Variants in USP48 observed in about 807,000 individuals in gnomAD.
USP48 encodes ubiquitin carboxyl-terminal hydrolase 48.
A neutral mutation model predicts 150.7 loss-of-function variants in USP48; 43 were observed. That is an observed-to-expected ratio of 0.29 (90% CI 0.22 to 0.37). The LOEUF is 0.37. Among genes scored for constraint, USP48 ranks in the 10% least tolerant of loss-of-function variants. USP48 has a pLI of 1.00. For synonymous variants in USP48, 396 were observed against 425.9 expected (o/e 0.93, Z 0.86); for missense variants, 813 against 1,249.6 (o/e 0.65, Z 5.27).
intron 8 of USP48, among the ~76,000 whole-genome samples, chr1:21,743,299 C>G (rs333177): frequency 0.076 from 11,624 of 152,202 alleles, 499 homozygotes; most frequent in Middle Eastern, 0.11. Flanking sequence ...GCGGGACCTA[C>G]TTCTCAGAAA....
intron 8 of USP48, among the ~76,000 whole-genome samples, chr1:21,744,881 C>A (rs2097790915): frequency 6.6e-6 from 1 of 150,964 alleles, no homozygotes; most frequent in South Asian, 2.1e-4. Flanking sequence ...AAATGAGGAT[C>A]CCTCATTCTA....
chr1:21,729,675 C>T (rs201650584), intron 10 of USP48, 29 bp downstream of exon 10: 5 of 1,604,630 alleles, frequency 3.1e-6, no homozygotes, highest in Non-Finnish European at 3.4e-6. Context: ...AAAACATTTG[C>T]CTGCTATAAT....
chr1:21,770,505 CAG>C (rs1384436106), intron 1 of USP48, among the ~76,000 whole-genome samples: 5 of 127,184 alleles, frequency 3.9e-5, no homozygotes, highest in Non-Finnish European at 7.9e-5. Context: ...TTTTTTGAGA[CAG>C]AGCTCACTCT....
intron 12 of USP48, among the ~76,000 whole-genome samples, chr1:21,723,331 G>A (rs1353323534): frequency 6.6e-6 from 1 of 151,908 alleles, no homozygotes; most frequent in African/African-American, 2.4e-5. Flanking sequence ...ACCAGCCTGG[G>A]CAACACAGTG....
intron 25 of USP48, chr1:21,686,354 T>C (rs1436391167): frequency 2.6e-5 from 4 of 152,350 alleles, no homozygotes; most frequent in South Asian, 4.1e-4. Flanking sequence ...TTGAGGTATG[T>C]TCCTTCTGTA....
At chr1:21,764,329 C>T (rs1459916621) in intron 1 of USP48, among the ~76,000 whole-genome samples, 1 of 151,906 alleles carries the variant, frequency 6.6e-6, no homozygotes, top group Non-Finnish European at 1.5e-5. Context: ...GTCCCAGCTG[C>T]TCAGGAAGCT....
At chr1:21,719,779 G>A (rs1429486326) in intron 14 of USP48, among the ~76,000 whole-genome samples, 1 of 152,058 alleles carries the variant, frequency 6.6e-6, no homozygotes, top group East Asian at 1.9e-4. Flanking sequence ...AGGCAGGAGA[G>A]CCGCTTGAAC....
At chr1:21,693,511 G>A (rs1222729423) in intron 23 of USP48, among the ~76,000 whole-genome samples, 1 of 152,168 alleles carries the variant, frequency 6.6e-6, no homozygotes, top group East Asian at 1.9e-4. Flanking sequence ...CACCTCTGGG[G>A]GCTGTGTGAA....
At chr1:21,745,440 A>G (rs2152571122) in intron 8 of USP48, among the ~76,000 whole-genome samples, 1 of 152,208 alleles carries the variant, frequency 6.6e-6, no homozygotes, top group Non-Finnish European at 1.5e-5. Flanking sequence ...ACTAAAAATT[A>G]GCTGGGCCTG....
intron 1 of USP48, among the ~76,000 whole-genome samples, chr1:21,762,606 G>A (rs759045161): frequency 1.2e-4 from 18 of 152,146 alleles, no homozygotes; most frequent in Non-Finnish European, 1.9e-4. Flanking sequence ...GGTGGCTCAC[G>A]CCTGTAATCC....
intron 23 of USP48, among the ~76,000 whole-genome samples, chr1:21,690,937 A>C (rs1279058273): frequency 1.3e-5 from 2 of 152,078 alleles, no homozygotes; most frequent in Admixed American, 6.5e-5. Context: ...ATATTCTTAG[A>C]CTGAGTTTTG....
intron 11 of USP48, 97 bp from the exon 12 acceptor site, chr1:21,724,192 C>T: frequency 1.7e-6 from 2 of 1,177,790 alleles, no homozygotes; most frequent in Non-Finnish European, 1.2e-6. Flanking sequence ...AAACTCTGTC[C>T]AGAGTTAGCA....
intron 1 of USP48, among the ~76,000 whole-genome samples, chr1:21,763,454 G>A (rs2152622950): frequency 6.6e-6 from 1 of 152,300 alleles, no homozygotes; most frequent in Admixed American, 6.5e-5. Flanking sequence ...TTCATACATA[G>A]CCCAATATGG....
chr1:21,685,680 T>C (rs1467641919), intron 25 of USP48, among the ~76,000 whole-genome samples: 2 of 152,240 alleles, frequency 1.3e-5, no homozygotes, highest in Non-Finnish European at 2.9e-5. Flanking sequence ...TTTTTGTATG[T>C]TGATTTTTGT....
chr1:21,770,138 C>T (rs1445571903), intron 1 of USP48, among the ~76,000 whole-genome samples: 4 of 146,768 alleles, frequency 2.7e-5, no homozygotes, highest in Admixed American at 6.9e-5. Flanking sequence ...GCCTGGGCAA[C>T]ATATTGAGAC....
rs76220173 is a variant in USP48, at chr1:21,757,019, G to A, written c.256-317C>T. The A allele has an allele frequency of 1.2e-3, 1,228 of 983,154 alleles. 12 individuals are homozygous for A. In the African/African-American group the frequency reaches 0.015, roughly 12 times the overall value. The allele number at this position is 983,154 out of a possible 1,614,324, so 60.9% of individuals were successfully genotyped here. On this transcript the variant is annotated intron_variant, in intron 2 of 26. Transcript: ENST00000308271. ...ATCGGTTTTGAACAAGCGTATATAG[G>A]TTTTATGTTTTCTGTATTTCTAAAC...
In USP48 at chr1:21,679,157, C is replaced by T. The variant is rs978378715; in HGVS notation, c.*260G>A. Reference sequence around the variant, plus strand: ...ACTATTACTGCTACTAAACTTGTTCCGTCTTTACTTGCCCCCTCCCACCCA... The same window carrying T: ...ACTATTACTGCTACTAAACTTGTTCTGTCTTTACTTGCCCCCTCCCACCCA... On this transcript the variant is annotated 3_prime_UTR_variant, in exon 27 of 27. Coordinates refer to ENST00000308271, the MANE Select transcript of USP48 (RefSeq NM_032236.8). The T allele has an allele frequency of 9.0e-5, 49 of 547,410 alleles. No individual in the cohort carries two copies. Among genetic ancestry groups the T allele is most frequent in the African/African-American group, 6.3e-4 (33 of 52,498 alleles). 33.9% of individuals were successfully genotyped at this position (547,410 alleles called of 1,614,324 possible). A position where few individuals can be genotyped will look rare whatever the true frequency, so the allele number is the denominator to read the frequency against.
At chr1:21,716,240 G>C (rs939424054) in intron 14 of USP48, among the ~76,000 whole-genome samples, 3 of 151,924 alleles carry the variant, frequency 2.0e-5, no homozygotes, top group Non-Finnish European at 2.9e-5. Context: ...TGACATACCT[G>C]AATTGCCAAC....
At chr1:21,692,141 C>G (rs886432575) in intron 23 of USP48, among the ~76,000 whole-genome samples, 2 of 152,094 alleles carry the variant, frequency 1.3e-5, no homozygotes, top group Non-Finnish European at 2.9e-5. Context: ...ACTGCTGGGA[C>G]AGAATCTTAC....
Sources: gnomAD v4.1 joint callset for allele counts (sites outside exome capture counted in the v4.1 genomes callset) on GRCh38, gnomAD v4.1.1 for gene constraint, MANE v1.5 for transcripts, NCBI Gene and HGNC (gene_info 2026-07-23, HGNC 2026-07-21) for gene names.